FABP3: variants seen among roughly 807,000 people sequenced by gnomAD.
The protein encoded by FABP3 is fatty acid binding protein 3.
A neutral mutation model predicts 13.4 loss-of-function variants in FABP3; 8 were observed. The observed-to-expected ratio is 0.60, with a 90% CI of 0.35 to 1.07. FABP3 has a LOEUF of 1.07. FABP3 is among the 50% of genes least tolerant of loss of function. FABP3 has a pLI of 0.02. For synonymous variants in FABP3, 64 were observed against 60.0 expected, an observed-to-expected ratio of 1.07 and a Z score of -0.31; for missense variants, 135 against 164.7, an observed-to-expected ratio of 0.82 and a Z score of 0.99.
intron 1 of FABP3, among the ~76,000 whole-genome samples, chr1:31,370,019 G>T (rs6693495): frequency 0.013 from 1,956 of 150,022 alleles, 31 homozygotes; most frequent in African/African-American, 0.045. Flanking sequence ...GCTGAGAATT[G>T]CTTGAACCTA....
intron 2 of FABP3, among the ~76,000 whole-genome samples, chr1:31,368,776 A>G (rs1018567033): frequency 1.3e-5 from 2 of 151,970 alleles, no homozygotes; most frequent in South Asian, 2.1e-4. Context: ...AAACACATTC[A>G]TGACAAGGTG....
chr1:31,366,958 GA>G (rs1354715153), intron 3 of FABP3, among the ~76,000 whole-genome samples: 1 of 152,168 alleles, frequency 6.6e-6, no homozygotes, highest in Non-Finnish European at 1.5e-5. Context: ...GAGGGCCTGG[GA>G]TCAGATTTGG....
chr1:31,368,567 G>C (rs1185177173), intron 2 of FABP3, among the ~76,000 whole-genome samples: 1 of 152,158 alleles, frequency 6.6e-6, no homozygotes, highest in Non-Finnish European at 1.5e-5. Context: ...ACAGCTATGA[G>C]GAAGAGGAAA....
chr1:31,360,023 C>T, the FABP3 span, among the ~76,000 whole-genome samples: 1 of 151,986 alleles, frequency 6.6e-6, no homozygotes, highest in Non-Finnish European at 1.5e-5. Flanking sequence ...TCTTGTTGCC[C>T]AGGCTGGAGT....
In FABP3 at chr1:31,367,441, C is replaced by T. The variant is rs1336168778; in HGVS notation, c.300G>A (p.Gly100=). ...GKLVHLQKWD[G]QETTLVRELI... ...GCTCCCGCACAAGTGTGGTCTCTTG[C>T]CCGTCCCATTTCTGCAGGTGAACAA... Residue 100 remains glycine, a synonymous_variant, in exon 3 of 4, where the codon GGG becomes GGA. Transcript: ENST00000373713. 6.2e-7 allele frequency: 1 copy of T among 1,614,118 alleles called. No homozygotes were observed. The highest frequency in any genetic ancestry group is 8.5e-7 in the Non-Finnish European group (1 of 1,180,048).
downstream of FABP3, chr1:31,364,271 T>C: frequency 6.6e-7 from 1 of 1,510,226 alleles, no homozygotes. Context: ...AAAGACTCAA[T>C]AGTGAGAATA....
At chr1:31,367,045 G>T (rs993778412) in intron 3 of FABP3, among the ~76,000 whole-genome samples, 2 of 152,216 alleles carry the variant, frequency 1.3e-5, no homozygotes, top group Admixed American at 6.5e-5. Context: ...TGGAGCACCT[G>T]CTGTGTTCCT....
downstream of FABP3, among the ~76,000 whole-genome samples, chr1:31,360,799 C>T (rs1639856912): frequency 6.6e-6 from 1 of 152,174 alleles, no homozygotes; most frequent in African/African-American, 2.4e-5. Context: ...TTGGTCGACT[C>T]ACTTTACATT....
intron 3 of FABP3, among the ~76,000 whole-genome samples, chr1:31,366,624 C>T (rs1640118432): frequency 6.6e-6 from 1 of 152,204 alleles, no homozygotes; most frequent in South Asian, 2.1e-4. Flanking sequence ...ACCTGAGGCC[C>T]TGTGGTTAGG....
At chr1:31,368,254 G>T (rs963372917) in intron 2 of FABP3, among the ~76,000 whole-genome samples, 1 of 152,212 alleles carries the variant, frequency 6.6e-6, no homozygotes, top group African/African-American at 2.4e-5. Flanking sequence ...AAGGTTCTGT[G>T]TATTGTTTAG....
At chr1:31,363,484 CA>C (rs1443861489), downstream of FABP3, among the ~76,000 whole-genome samples, 1 of 152,032 alleles carries the variant, frequency 6.6e-6, no homozygotes, top group African/African-American at 2.4e-5. Context: ...CACCTGGCCA[CA>C]ATGTCTTATA....
Position 31,367,376 on chromosome 1 carries a change from A to G in FABP3, c.348+17T>C. 1.9e-6 allele frequency: 3 copies of G among 1,602,736 alleles called. No homozygotes were observed. Among genetic ancestry groups the G allele is most frequent in the Non-Finnish European group, 2.6e-6 (3 of 1,169,638 alleles). ...GTAATAACCAATCAGATATAGCTCCAAAGTTGCCCATCTTACCAGGATGAG... is the reference window on the plus strand; with the variant it reads ...GTAATAACCAATCAGATATAGCTCCGAAGTTGCCCATCTTACCAGGATGAG... On this transcript the variant is annotated intron_variant, in intron 3 of 3. Coordinates refer to ENST00000373713, the MANE Select transcript of FABP3 (RefSeq NM_004102.5).
intron 2 of FABP3, among the ~76,000 whole-genome samples, chr1:31,368,661 C>T (rs1045612984): frequency 6.6e-6 from 1 of 152,214 alleles, no homozygotes; most frequent in African/African-American, 2.4e-5. Flanking sequence ...TAAGTTCTCT[C>T]GCTCCCATGC....
intron 2 of FABP3, 183 bp downstream of exon 2, chr1:31,369,202 A>C: frequency 1.5e-6 from 1 of 666,892 alleles, no homozygotes. Flanking sequence ...AGAGGACAGA[A>C]CTGACATGTA....
intron 3 of FABP3, 145 bp from the exon 4 acceptor site, chr1:31,366,084 G>A: frequency 3.2e-6 from 2 of 624,008 alleles, no homozygotes; most frequent in Non-Finnish European, 5.8e-6. Flanking sequence ...GTGTGTGTGT[G>A]TGTGTGTGTG....
downstream of FABP3, among the ~76,000 whole-genome samples, chr1:31,362,353 C>G (rs1639939216): frequency 6.6e-6 from 1 of 152,204 alleles, no homozygotes. Context: ...CTTTTCTGCT[C>G]TCTTTCTCCT....
rs761313009 is a variant in FABP3, at chr1:31,367,541, TGAG to T, written c.247-50_247-48del. On this transcript the variant is annotated intron_variant, in intron 2 of 3. Coordinates refer to ENST00000373713, the MANE Select transcript of FABP3 (RefSeq NM_004102.5). ...CTGAGCTGTGATCTTAGTCAGGAAT[TGAG>T]GGGCAGGGTGGGGTCTGGACACTGG... The T allele has an allele frequency of 6.0e-4, 919 of 1,523,790 alleles. 1 individual carries two copies. The highest frequency in any genetic ancestry group is 7.9e-4 in the Non-Finnish European group (863 of 1,097,880). 94.4% of individuals were successfully genotyped at this position (1,523,790 alleles called of 1,614,324 possible). A position where few individuals can be genotyped will look rare whatever the true frequency, so the allele number is the denominator to read the frequency against.
intron 2 of FABP3, 53 bp from the exon 3 acceptor site, chr1:31,367,547 G>C: frequency 4.8e-6 from 7 of 1,473,530 alleles, no homozygotes; most frequent in Non-Finnish European, 6.7e-6. Flanking sequence ...GAATTGAGGG[G>C]CAGGGTGGGG....
chr1:31,367,305 G>T, intron 3 of FABP3, 88 bp downstream of exon 3: 1 of 1,061,576 alleles, frequency 9.4e-7, no homozygotes, highest in Non-Finnish European at 1.5e-6. Flanking sequence ...ACAGCTCTCA[G>T]GGGAGGACTT....
Sources: gnomAD v4.1 joint callset for allele counts (sites outside exome capture counted in the v4.1 genomes callset) on GRCh38, gnomAD v4.1.1 for gene constraint, MANE v1.5 for transcripts, NCBI Gene and HGNC (gene_info 2026-07-23, HGNC 2026-07-21) for gene names.